The following STPG2 variants were observed in gnomAD, a reference collection of about 807,000 sequenced individuals.
The protein encoded by STPG2 is sperm tail PG-rich repeat containing 2, also known as sperm-tail PG-rich repeat-containing protein 2.
In STPG2, 56 loss-of-function variants were observed where a neutral mutation model predicts 54.2. The observed-to-expected ratio is 1.03, with a 90% CI of 0.83 to 1.29. STPG2 has a LOEUF of 1.29. Among genes scored for constraint, STPG2 ranks in the 50% most tolerant of loss-of-function variants. The pLI, the probability that STPG2 is intolerant of heterozygous loss-of-function variation, is 0.00. For missense variants in STPG2, 596 were observed against 544.9 expected, an observed-to-expected ratio of 1.09 and a Z score of -0.93; for synonymous variants, 200 against 181.8, an observed-to-expected ratio of 1.10 and a Z score of -0.81.
chr4:98,085,304 A>G (rs1474461771), intron 5 of STPG2, among the ~76,000 whole-genome samples: 1 of 152,200 alleles, frequency 6.6e-6, no homozygotes, highest in African/African-American at 2.4e-5. Flanking sequence ...TGTTTATCCT[A>G]ATACTAATAA....
At chr4:97,709,146 C>T (rs367913937) in intron 10 of STPG2, among the ~76,000 whole-genome samples, 2 of 151,620 alleles carry the variant, frequency 1.3e-5, no homozygotes, top group East Asian at 1.9e-4. Flanking sequence ...AAGTAAATGA[C>T]TCAATTGAAT....
chr4:97,495,516 G>A (rs1046053444), intron 4 of STPG2, among the ~76,000 whole-genome samples: 2 of 150,876 alleles, frequency 1.3e-5, no homozygotes, highest in African/African-American at 4.9e-5. Context: ...ATTCTATAAG[G>A]CAATATAAGG....
chr4:97,972,126 T>C (rs972437983), intron 7 of STPG2, among the ~76,000 whole-genome samples, 154 bp downstream of exon 7: 2 of 152,242 alleles, frequency 1.3e-5, no homozygotes, highest in African/African-American at 4.8e-5. Flanking sequence ...TTATGTAATA[T>C]GTTCAATATT....
intron 5 of STPG2, among the ~76,000 whole-genome samples, chr4:98,065,125 G>C (rs1042890543): frequency 1.3e-5 from 2 of 152,060 alleles, no homozygotes; most frequent in Non-Finnish European, 1.5e-5. Context: ...CAAACCTTAT[G>C]CTTAATGGGA....
At chr4:97,529,887 T>A (rs1002393344) in intron 4 of STPG2, among the ~76,000 whole-genome samples, 2 of 152,134 alleles carry the variant, frequency 1.3e-5, no homozygotes, top group African/African-American at 4.8e-5. Context: ...GACTTTTCAT[T>A]TAACTCAATC....
At chr4:97,883,638 T>G (rs1372514914) in intron 8 of STPG2, among the ~76,000 whole-genome samples, 1 of 152,144 alleles carries the variant, frequency 6.6e-6, no homozygotes, top group Non-Finnish European at 1.5e-5. Flanking sequence ...TAATTCATCA[T>G]TAGACTCGAC....
chr4:97,991,300 G>A (rs115154919), intron 5 of STPG2, among the ~76,000 whole-genome samples: 1,511 of 149,792 alleles, frequency 0.01, 12 homozygotes, highest in Middle Eastern at 0.055. Flanking sequence ...ACATATATAC[G>A]CACACACACA....
rs142466207 is a variant in STPG2, at chr4:98,055,599, G to C, written c.612+50354C>G. Reference sequence around the variant, plus strand: ...CTATGGACACTTGAGGTGGCAGAGAGAGCTGCTTAGAGAAGTGGTGGGGCA... The same window carrying C: ...CTATGGACACTTGAGGTGGCAGAGACAGCTGCTTAGAGAAGTGGTGGGGCA... On this transcript the variant is annotated intron_variant, in intron 5 of 10. Coordinates refer to ENST00000295268, the MANE Select transcript of STPG2 (RefSeq NM_174952.3). 5.2e-3 allele frequency among the ~76,000 whole-genome samples: 798 copies of C among 152,300 alleles called. 11 individuals are homozygous for C. The highest frequency in any genetic ancestry group is 0.018 in the African/African-American group (765 of 41,554).
At chr4:97,531,008 G>A (rs1731401846) in intron 4 of STPG2, among the ~76,000 whole-genome samples, 1 of 152,092 alleles carries the variant, frequency 6.6e-6, no homozygotes, top group Non-Finnish European at 1.5e-5. Context: ...ACAAATCTAG[G>A]AAAATTTTAT....
intron 5 of STPG2, among the ~76,000 whole-genome samples, chr4:98,089,511 ATGCATG>A (rs1469986578): frequency 1.3e-5 from 2 of 151,804 alleles, no homozygotes; most frequent in Non-Finnish European, 2.9e-5. Flanking sequence ...TACTAAAAAC[ATGCATG>A]TGCATGTGTT....
At chr4:97,852,433 T>A (rs1729189401) in intron 8 of STPG2, among the ~76,000 whole-genome samples, 1 of 152,138 alleles carries the variant, frequency 6.6e-6, no homozygotes, top group Non-Finnish European at 1.5e-5. Context: ...CTCAAGAACC[T>A]CACCTGCTCA....
intron 4 of STPG2, among the ~76,000 whole-genome samples, chr4:97,541,844 A>T (rs1731715096): frequency 6.6e-6 from 1 of 152,220 alleles, no homozygotes; most frequent in Non-Finnish European, 1.5e-5. Flanking sequence ...GATCTTTGAC[A>T]AATCTGACAA....
chr4:97,705,140 T>G (rs1338219466), intron 10 of STPG2, among the ~76,000 whole-genome samples: 2 of 152,110 alleles, frequency 1.3e-5, no homozygotes, highest in South Asian at 2.1e-4. Flanking sequence ...TCATTTTATA[T>G]TTTAGTAATA....
intron 8 of STPG2, among the ~76,000 whole-genome samples, chr4:97,872,398 G>C (rs1435086250): frequency 6.6e-6 from 1 of 151,088 alleles, no homozygotes; most frequent in African/African-American, 2.4e-5. Flanking sequence ...AAGACTCAGT[G>C]ATAATAAAAT....
chr4:98,075,460 G>A (rs1560667769), intron 5 of STPG2, among the ~76,000 whole-genome samples: 1 of 152,150 alleles, frequency 6.6e-6, no homozygotes, highest in African/African-American at 2.4e-5. Context: ...TTTGTCCAAT[G>A]CCACTTACAA....
At chr4:97,721,978 A>G (rs1479519167) in intron 9 of STPG2, among the ~76,000 whole-genome samples, 2 of 152,026 alleles carry the variant, frequency 1.3e-5, no homozygotes, top group African/African-American at 4.8e-5. Flanking sequence ...TAAAAACACC[A>G]AAGAATGTTG....
intron 5 of STPG2, among the ~76,000 whole-genome samples, chr4:98,051,107 G>A (rs1029387296): frequency 6.6e-6 from 1 of 151,728 alleles, no homozygotes; most frequent in African/African-American, 2.4e-5. Flanking sequence ...AACAATTGCT[G>A]AATCCTGTTC....
At chr4:97,918,811 G>A (rs1344630220) in intron 8 of STPG2, among the ~76,000 whole-genome samples, 3 of 152,056 alleles carry the variant, frequency 2.0e-5, no homozygotes, top group Admixed American at 6.6e-5. Context: ...CTGGAAACTC[G>A]GGGGAAGGGT....
At chr4:98,046,775 A>G (rs1183017765) in intron 5 of STPG2, among the ~76,000 whole-genome samples, 7 of 152,054 alleles carry the variant, frequency 4.6e-5, no homozygotes, top group Non-Finnish European at 7.4e-5. Flanking sequence ...CATTCAGACC[A>G]CACACTCTTT....
Sources: gnomAD v4.1 joint callset for allele counts (sites outside exome capture counted in the v4.1 genomes callset) on GRCh38, gnomAD v4.1.1 for gene constraint, MANE v1.5 for transcripts, NCBI Gene and HGNC (gene_info 2026-07-23, HGNC 2026-07-21) for gene names.